Variants in TRIM42 observed in about 807,000 individuals in gnomAD.
The protein encoded by TRIM42 is tripartite motif containing 42.
A neutral mutation model predicts 64.9 loss-of-function variants in TRIM42; 59 were observed. The observed-to-expected ratio is 0.91, with a 90% CI of 0.74 to 1.13. The LOEUF is 1.13. Ranked by LOEUF, TRIM42 falls within the 50% of genes most tolerant of loss-of-function variation. The pLI, the probability that TRIM42 is intolerant of heterozygous loss-of-function variation, is 0.00. For synonymous variants in TRIM42, 354 were observed against 346.3 expected, an observed-to-expected ratio of 1.02 and a Z score of -0.25; for missense variants, 878 against 929.5, an observed-to-expected ratio of 0.94 and a Z score of 0.72.
intron 4 of TRIM42, 85 bp from the exon 5 acceptor site, chr3:140,700,803 T>A (rs989462992): frequency 4.2e-6 from 5 of 1,177,070 alleles, no homozygotes; most frequent in Non-Finnish European, 6.3e-6. Flanking sequence ...TGAAATGATG[T>A]GTGTAGTGTC....
In TRIM42 at chr3:140,678,135, G is replaced by A; in HGVS notation, c.-95G>A. On this transcript the variant is annotated 5_prime_UTR_variant, in exon 1 of 5. Coordinates refer to ENST00000286349, the MANE Select transcript of TRIM42 (RefSeq NM_152616.5). The stretch of plus-strand genomic sequence containing the variant: ...TTTCAAGCTGACGGCCTCAGGAATG[G>A]GAGGAAGGACTCCTCCACTGGAGAA... 1.7e-6 allele frequency: 2 copies of A among 1,174,948 alleles called. No individual in the cohort carries two copies. The highest frequency in any genetic ancestry group is 2.5e-6 in the Non-Finnish European group (2 of 810,740). The allele number at this position is 1,174,948 out of a possible 1,614,324, so 72.8% of individuals were successfully genotyped here. A position where few individuals can be genotyped will look rare whatever the true frequency, so the allele number is the denominator to read the frequency against.
chr3:140,693,616 A>C (rs145143176), intron 4 of TRIM42, among the ~76,000 whole-genome samples: 7 of 152,298 alleles, frequency 4.6e-5, no homozygotes, highest in African/African-American at 1.7e-4. Flanking sequence ...TAAAATCAAA[A>C]TTTTTTCCTT....
chr3:140,698,694 T>G (rs1344164459), intron 4 of TRIM42, among the ~76,000 whole-genome samples: 1 of 152,178 alleles, frequency 6.6e-6, no homozygotes, highest in Admixed American at 6.5e-5. Flanking sequence ...TGGTTTAGAA[T>G]AAAGACTATT....
At position 140,687,838 on chromosome 3, in the gene TRIM42, A is replaced by G. The variant is rs1436637768; in HGVS notation, c.1156A>G (p.Ile386Val). The change falls in exon 3 of 5, where the codon ATT becomes GTT. Residue 386 changes from isoleucine (I) to valine (V), a missense_variant. Physicochemically the swap from Ile to Val is conservative, Grantham distance 29 (BLOSUM62 3). Transcript: ENST00000286349. Reference protein sequence around the residue: ...IRNGFLKLRSILQEKEKIIME... With the variant: ...IRNGFLKLRSVLQEKEKIIME... The stretch of plus-strand genomic sequence containing the variant: ...AAATGGCTTTCTCAAGTTGCGCAGC[A>G]TTCTTCAGGAGAAAGAGAAGATCAT... 1.2e-6 allele frequency: 2 copies of G among 1,614,146 alleles called. No individual in the cohort carries two copies. Among genetic ancestry groups the G allele is most frequent in the Non-Finnish European group, 8.5e-7 (1 of 1,180,040 alleles).
chr3:140,692,522 C>T (rs1308109742), intron 4 of TRIM42, among the ~76,000 whole-genome samples: 4 of 126,716 alleles, frequency 3.2e-5, no homozygotes, highest in African/African-American at 1.3e-4. Context: ...CACACACACA[C>T]ATACACATAC....
At chr3:140,693,279 T>A (rs1241495249) in intron 4 of TRIM42, among the ~76,000 whole-genome samples, 1 of 152,256 alleles carries the variant, frequency 6.6e-6, no homozygotes, top group Non-Finnish European at 1.5e-5. Context: ...TTTATGTGAT[T>A]AATTTGCCCT....
At position 140,678,140 on chromosome 3, in the gene TRIM42, AAGG is replaced by A. The variant is rs1988251730; in HGVS notation, c.-88_-86del. 8.2e-7 allele frequency: 1 copy of A among 1,224,996 alleles called. No individual in the cohort carries two copies. The highest frequency in any genetic ancestry group is 1.2e-6 in the Non-Finnish European group (1 of 855,120). 75.9% of individuals were successfully genotyped at this position (1,224,996 alleles called of 1,614,324 possible). A position where few individuals can be genotyped will look rare whatever the true frequency, so the allele number is the denominator to read the frequency against. On this transcript the variant is annotated 5_prime_UTR_variant, in exon 1 of 5. Transcript: ENST00000286349. Reference sequence around the variant, plus strand: ...AGCTGACGGCCTCAGGAATGGGAGGAAGGACTCCTCCACTGGAGAACTGATAGC... The same window carrying A: ...AGCTGACGGCCTCAGGAATGGGAGGAACTCCTCCACTGGAGAACTGATAGC...
At position 140,683,169 on chromosome 3, in the gene TRIM42, T is replaced by C. The variant is rs762428527; in HGVS notation, c.1039+10T>C. ...GCCAAGTTCAAAGCAGGTCCTCCCCTTTTCCACTCCTTCAGCCTAACTTCT... is the reference window on the plus strand; with the variant it reads ...GCCAAGTTCAAAGCAGGTCCTCCCCCTTTCCACTCCTTCAGCCTAACTTCT... On this transcript the variant is annotated intron_variant, in intron 2 of 4. Transcript: ENST00000286349. The C allele has an allele frequency of 1.2e-6, 2 of 1,612,714 alleles. No individual in the cohort carries two copies. Among genetic ancestry groups the C allele is most frequent in the Admixed American group, 3.3e-5 (2 of 60,012 alleles).
chr3:140,690,978 CATGTCCA>C lies in TRIM42; in HGVS notation c.1872_1878del (p.Cys625GlnfsTer33). On this transcript the variant is annotated frameshift_variant, in exon 4 of 5. Transcript: ENST00000286349. LOFTEE classifies it high-confidence loss of function. Reference sequence around the variant, plus strand: ...TCATTTCTTCCATAGGTTTACTGGACATGTCCAGCAGAAGACGTGGACTCTTTTGAGA... The same window carrying C: ...TCATTTCTTCCATAGGTTTACTGGACGCAGAAGACGTGGACTCTTTTGAGA... 6.2e-7 allele frequency: 1 copy of C among 1,612,976 alleles called. No homozygotes were observed. Among genetic ancestry groups the C allele is most frequent in the Non-Finnish European group, 8.5e-7 (1 of 1,178,992 alleles).
At position 140,688,105 on chromosome 3, in the gene TRIM42, G is replaced by A. The variant is rs28594654; in HGVS notation, c.1423G>A (p.Val475Met). ...GCTCCGGCTGCACTCAATAAACTAC[G>A]TGCCCTTGGACTTTGTTGAGCTTTC... ...PQLRLHSINY[V>M]PLDFVELSSA... The change falls in exon 3 of 5, where the codon GTG (valine) becomes ATG (methionine). Residue 475 changes from valine to methionine, a missense_variant. By Grantham distance (21) the Val-to-Met change is conservative (BLOSUM62 1). Transcript: ENST00000286349. The A allele has an allele frequency of 0.54, 879,007 of 1,613,662 alleles. 243,713 individuals carry two copies. Among genetic ancestry groups the A allele is most frequent in the Non-Finnish European group, 0.57 (677,344 of 1,179,890 alleles).
chr3:140,682,070 G>A (rs1294866902), intron 1 of TRIM42, among the ~76,000 whole-genome samples: 1 of 152,056 alleles, frequency 6.6e-6, no homozygotes, highest in African/African-American at 2.4e-5. Flanking sequence ...ATGTTCAACC[G>A]AACACCAAGG....
chr3:140,683,197 T>A, intron 2 of TRIM42, 38 bp downstream of exon 2: 1 of 1,602,284 alleles, frequency 6.2e-7, no homozygotes. Context: ...TAACTTCTAG[T>A]TCAGGAACAC....
At position 140,681,402 on chromosome 3, in the gene TRIM42, T is replaced by C. The variant is rs149836142; in HGVS notation, c.342-1060T>C. Among the ~76,000 whole-genome samples, 69 of 152,288 alleles carry C rather than the reference T, an allele frequency of 4.5e-4. No individual in the cohort carries two copies. The East Asian group carries it at 0.013, about 28-fold the overall frequency. Reference sequence around the variant, plus strand: ...CTTTATAAAAACCTCACAAAGCAAGTAGTACTGTGAGCTTTGACTTATAGT... The same window carrying C: ...CTTTATAAAAACCTCACAAAGCAAGCAGTACTGTGAGCTTTGACTTATAGT... On this transcript the variant is annotated intron_variant, in intron 1 of 4. Transcript: ENST00000286349.
intron 2 of TRIM42, among the ~76,000 whole-genome samples, chr3:140,683,708 G>T (rs374494004): frequency 6.6e-6 from 1 of 152,258 alleles, no homozygotes; most frequent in East Asian, 1.9e-4. Flanking sequence ...TCCAAAACTT[G>T]CAGATGCCAA....
At chr3:140,682,094 G>A (rs1988411582) in intron 1 of TRIM42, among the ~76,000 whole-genome samples, 1 of 152,098 alleles carries the variant, frequency 6.6e-6, no homozygotes, top group African/African-American at 2.4e-5. Flanking sequence ...AGCTGACAAC[G>A]CCAGTCTCTG....
At chr3:140,694,970 T>G (rs1467401042) in intron 4 of TRIM42, among the ~76,000 whole-genome samples, 2 of 152,060 alleles carry the variant, frequency 1.3e-5, no homozygotes, top group Non-Finnish European at 2.9e-5. Context: ...CTGGGCCAGG[T>G]GCAGTGGCTC....
At chr3:140,678,621 G>A in intron 1 of TRIM42, 51 bp downstream of exon 1, 2 of 1,492,520 alleles carry the variant, frequency 1.3e-6, no homozygotes, top group Non-Finnish European at 1.8e-6. Context: ...GAAAACTAGG[G>A]ACCACTTGCC....
At position 140,687,722 on chromosome 3, in the gene TRIM42, T is replaced by C; in HGVS notation, c.1040T>C (p.Val347Ala). 2 of 1,598,168 alleles carry C rather than the reference T, an allele frequency of 1.3e-6. No homozygotes were observed. Among genetic ancestry groups the C allele is most frequent in the Non-Finnish European group, 8.5e-7 (1 of 1,173,422 alleles). ...AGTAACTAACTTGGCATTTTTGCAG[T>C]CCGATATGAAATTGATAATGACCTA... Reference protein sequence around the residue: ...LFSAIAKFKAVRYEIDNDLME... With the variant: ...LFSAIAKFKAARYEIDNDLME... The change falls in exon 3 of 5, where the codon GTC (valine) becomes GCC (alanine). Residue 347 changes from valine (V) to alanine (A), a missense_variant and splice_region_variant. Coordinates refer to ENST00000286349, the MANE Select transcript of TRIM42 (RefSeq NM_152616.5).
rs778471924 is a variant in TRIM42 at position 140,688,157 on chromosome 3, C to A, written c.1475C>A (p.Thr492Lys). 1.2e-6 allele frequency: 2 copies of A among 1,614,192 alleles called. No individual in the cohort carries two copies. The highest frequency in any genetic ancestry group is 1.7e-6 in the Non-Finnish European group (2 of 1,180,026). The change falls in exon 3 of 5, where the codon ACA becomes AAA. Residue 492 changes from threonine to lysine, a missense_variant. By Grantham distance (78) the Thr-to-Lys change is moderately conservative. Coordinates refer to ENST00000286349, the MANE Select transcript of TRIM42 (RefSeq NM_152616.5). ...LSSAIHELFP[T>K]GPKKVRSSGD... Reference sequence around the variant, plus strand: ...AGTGCCATCCATGAGCTCTTCCCCACAGGGCCCAAGAAGGTACGCTCCTCA... The same window carrying A: ...AGTGCCATCCATGAGCTCTTCCCCAAAGGGCCCAAGAAGGTACGCTCCTCA...
Sources: allele counts gnomAD v4.1 joint callset (sites outside exome capture counted in the v4.1 genomes callset), GRCh38; gene constraint gnomAD v4.1.1; transcripts MANE v1.5; gene names NCBI Gene and HGNC (gene_info 2026-07-23, HGNC 2026-07-21).